CDKAL1: variants seen among roughly 807,000 people sequenced by gnomAD.
CDKAL1 encodes the protein threonylcarbamoyladenosine tRNA methylthiotransferase.
In CDKAL1, 32 loss-of-function variants were observed where a neutral mutation model predicts 68.2. The ratio of observed to expected loss-of-function variants is 0.47; its 90% CI spans 0.35 to 0.63. The LOEUF (loss-of-function observed/expected upper bound fraction) is 0.63, where lower values mean the gene tolerates loss of function less well. CDKAL1 is among the 30% of genes least tolerant of loss of function. CDKAL1 has a pLI of 0.00. For synonymous variants in CDKAL1, 234 were observed against 244.3 expected (o/e 0.96, Z 0.39); for missense variants, 606 against 696.7 (o/e 0.87, Z 1.47).
rs148170450 is a variant in CDKAL1, at chr6:21,006,183, A to G, written c.1055+5811A>G. Reference sequence around the variant, plus strand: ...ATTCATGTGTGCTTATTGGAACACAATCTGATAAAGCTATGTTACATTAAA... The same window carrying G: ...ATTCATGTGTGCTTATTGGAACACAGTCTGATAAAGCTATGTTACATTAAA... On this transcript the variant is annotated intron_variant, in intron 11 of 15. Coordinates refer to ENST00000274695, the MANE Select transcript of CDKAL1 (RefSeq NM_017774.3). Among the ~76,000 whole-genome samples, 4 of 152,328 alleles carry G rather than the reference A, an allele frequency of 2.6e-5. No homozygotes were observed. In the East Asian group the frequency reaches 7.7e-4, roughly 29 times the overall value.
At chr6:20,997,057 A>G (rs978996945) in intron 10 of CDKAL1, among the ~76,000 whole-genome samples, 3 of 152,234 alleles carry the variant, frequency 2.0e-5, no homozygotes, top group African/African-American at 7.2e-5. Context: ...TGTAACCCAT[A>G]TCTGTATTTA....
At chr6:20,780,846 G>A (rs1775395185) in intron 7 of CDKAL1, among the ~76,000 whole-genome samples, 1 of 151,716 alleles carries the variant, frequency 6.6e-6, no homozygotes, top group Non-Finnish European at 1.5e-5. Flanking sequence ...GCTTATTTTT[G>A]TACTTTTAAT....
rs577931529 is a variant in CDKAL1, at chr6:20,848,704, A to G, written c.742+2526A>G. ...TTATTATCTGTGTATTAGAATTGAA[A>G]CTAAATGCTAGTTTTTGGACTGGTG... On this transcript the variant is annotated intron_variant, in intron 9 of 15. Transcript: ENST00000274695. Among the ~76,000 whole-genome samples the G allele has an allele frequency of 3.3e-5, 5 of 152,042 alleles. No individual in the cohort carries two copies. The South Asian group carries it at 1.0e-3, about 32-fold the overall frequency.
chr6:20,920,695 T>C (rs1251361592), intron 9 of CDKAL1, among the ~76,000 whole-genome samples: 1 of 152,234 alleles, frequency 6.6e-6, no homozygotes. Flanking sequence ...AATTTTCTAA[T>C]TGTTTGTGGG....
At chr6:20,855,860 G>A (rs1357355351) in intron 9 of CDKAL1, among the ~76,000 whole-genome samples, 1 of 152,084 alleles carries the variant, frequency 6.6e-6, no homozygotes, top group Non-Finnish European at 1.5e-5. Flanking sequence ...GCGATATGTG[G>A]AGACCACTGA....
At chr6:20,824,747 C>T (rs368255472) in intron 8 of CDKAL1, among the ~76,000 whole-genome samples, 2 of 152,280 alleles carry the variant, frequency 1.3e-5, no homozygotes, top group Non-Finnish European at 2.9e-5. Context: ...CCTGCCTACA[C>T]GTAGGGGGAA....
At chr6:20,860,922 T>C (rs562900951) in intron 9 of CDKAL1, among the ~76,000 whole-genome samples, 1 of 140,808 alleles carries the variant, frequency 7.1e-6, no homozygotes, top group South Asian at 2.3e-4. Context: ...ACATTCTGCG[T>C]AGTGTGGTCT....
intron 8 of CDKAL1, among the ~76,000 whole-genome samples, chr6:20,836,814 G>A (rs1318619743): frequency 6.6e-6 from 1 of 152,098 alleles, no homozygotes. Flanking sequence ...AGGAAAAGAG[G>A]TGTAATGTGT....
chr6:20,909,181 ATGTATGTGTGTGTG>A (rs59951839), intron 9 of CDKAL1, among the ~76,000 whole-genome samples: 44,511 of 133,238 alleles, frequency 0.33, 7,396 homozygotes, highest in South Asian at 0.49. Context: ...ATATGTGTGC[ATGTATGTGTGTGTG>A]TGTGTGTGTG....
At chr6:21,165,582 A>G (rs1285490611) in intron 13 of CDKAL1, among the ~76,000 whole-genome samples, 2 of 152,222 alleles carry the variant, frequency 1.3e-5, no homozygotes, top group African/African-American at 4.8e-5. Flanking sequence ...GAGAGCTCGT[A>G]GAAGAAACAA....
At chr6:20,948,452 T>A (rs1390545320) in intron 9 of CDKAL1, among the ~76,000 whole-genome samples, 1 of 152,270 alleles carries the variant, frequency 6.6e-6, no homozygotes, top group African/African-American at 2.4e-5. Flanking sequence ...GCTTTTTTAC[T>A]TTTCTTTACC....
At chr6:20,948,889 T>C (rs574093119) in intron 9 of CDKAL1, among the ~76,000 whole-genome samples, 2 of 152,296 alleles carry the variant, frequency 1.3e-5, no homozygotes, top group East Asian at 3.9e-4. Flanking sequence ...CCTTTTATGG[T>C]ATTTAGTTTG....
intron 10 of CDKAL1, among the ~76,000 whole-genome samples, chr6:20,982,048 C>CTTATTTAT (rs35693086): frequency 0.11 from 15,603 of 146,990 alleles, 908 homozygotes; most frequent in East Asian, 0.2. Flanking sequence ...GAAGGAAATT[C>CTTATTTAT]TTATTTATTT....
At chr6:20,919,480 CA>C (rs1178660526) in intron 9 of CDKAL1, among the ~76,000 whole-genome samples, 1 of 152,132 alleles carries the variant, frequency 6.6e-6, no homozygotes, top group African/African-American at 2.4e-5. Flanking sequence ...TTGCTGCACC[CA>C]TCAACCTGTG....
chr6:21,156,224 C>A (rs1303061224), intron 13 of CDKAL1, among the ~76,000 whole-genome samples: 1 of 151,786 alleles, frequency 6.6e-6, no homozygotes, highest in Non-Finnish European at 1.5e-5. Flanking sequence ...AGTTTGAGAC[C>A]AGCCTGGGCA....
chr6:20,972,971 T>A (rs905694822), intron 10 of CDKAL1, among the ~76,000 whole-genome samples: 1 of 151,940 alleles, frequency 6.6e-6, no homozygotes, highest in African/African-American at 2.4e-5. Context: ...AATTGAAGAC[T>A]TTAGGCCGAG....
At chr6:20,885,565 CAG>C (rs1456797619) in intron 9 of CDKAL1, among the ~76,000 whole-genome samples, 2 of 152,060 alleles carry the variant, frequency 1.3e-5, no homozygotes, top group African/African-American at 4.8e-5. Context: ...GAAGAAAACA[CAG>C]GGGTAAATCT....
chr6:20,905,528 A>T (rs1159286670), intron 9 of CDKAL1, among the ~76,000 whole-genome samples: 4 of 152,216 alleles, frequency 2.6e-5, no homozygotes, highest in African/African-American at 7.2e-5. Context: ...GAATATTTGA[A>T]GAGATAATGG....
intron 13 of CDKAL1, among the ~76,000 whole-genome samples, chr6:21,179,149 G>C (rs1216629704): frequency 6.6e-6 from 1 of 152,220 alleles, no homozygotes; most frequent in Non-Finnish European, 1.5e-5. Context: ...CCTCTTTTCA[G>C]GGTGAGGGAG....
Sources: gnomAD v4.1 joint callset for allele counts (sites outside exome capture counted in the v4.1 genomes callset) on GRCh38, gnomAD v4.1.1 for gene constraint, MANE v1.5 for transcripts, NCBI Gene and HGNC (gene_info 2026-07-23, HGNC 2026-07-21) for gene names.